The following NIPBL variants were observed in gnomAD, a reference collection of about 807,000 sequenced individuals.
NIPBL encodes NIPBL cohesin loading factor.
Under a neutral mutation model 321.8 loss-of-function variants are expected in NIPBL, and 19 were observed. The observed-to-expected ratio is 0.06, with a 90% CI of 0.04 to 0.09. NIPBL has a LOEUF of 0.09. NIPBL is among the 10% of genes least tolerant of loss of function. The pLI is 1.00. For synonymous variants in NIPBL, 1,106 were observed against 1,114.1 expected, an observed-to-expected ratio of 0.99 and a Z score of 0.14; for missense variants, 2,210 against 3,327.0, an observed-to-expected ratio of 0.66 and a Z score of 8.26.
chr5:36,922,995 AG>A (rs1171769970), intron 1 of NIPBL, among the ~76,000 whole-genome samples: 1 of 152,100 alleles, frequency 6.6e-6, no homozygotes, highest in African/African-American at 2.4e-5. Context: ...AACCAATTAA[AG>A]CTGGCTTCTA....
chr5:37,055,956 T>G (rs890127351), intron 42 of NIPBL, among the ~76,000 whole-genome samples: 2 of 152,066 alleles, frequency 1.3e-5, no homozygotes, highest in Non-Finnish European at 2.9e-5. Flanking sequence ...GAGTTCAAGG[T>G]GGCAGTGAGT....
intron 10 of NIPBL, among the ~76,000 whole-genome samples, chr5:36,989,641 C>G (rs1264278836): frequency 6.6e-6 from 1 of 151,764 alleles, no homozygotes; most frequent in Non-Finnish European, 1.5e-5. Context: ...AGTTAGAGAC[C>G]AGCCTGGCCA....
At chr5:36,947,314 T>A (rs559725708) in intron 1 of NIPBL, among the ~76,000 whole-genome samples, 2 of 152,196 alleles carry the variant, frequency 1.3e-5, no homozygotes, top group Admixed American at 6.6e-5. Flanking sequence ...ACTGGCATTT[T>A]AATCTGAACA....
intron 10 of NIPBL, among the ~76,000 whole-genome samples, chr5:36,994,855 C>T (rs1745953487): frequency 1.4e-5 from 2 of 142,370 alleles, no homozygotes; most frequent in South Asian, 4.5e-4. Context: ...CTCTTATTGT[C>T]TTGTCTTCTT....
rs773386352 is a variant in NIPBL at position 37,024,735 on chromosome 5, T to C, written c.5709+16T>C. On this transcript the variant is annotated intron_variant, in intron 30 of 46. Transcript: ENST00000282516. Reference sequence around the variant, plus strand: ...GGGCATTAAGGTAGTGTTGACTGTTTTAAATTTATTTTTCATTAATGTTTA... The same window carrying C: ...GGGCATTAAGGTAGTGTTGACTGTTCTAAATTTATTTTTCATTAATGTTTA... 1 of 1,596,074 alleles carries C rather than the reference T, an allele frequency of 6.3e-7. No homozygotes were observed.
At chr5:36,903,112 GT>G (rs1246203260) in intron 1 of NIPBL, among the ~76,000 whole-genome samples, 3 of 152,084 alleles carry the variant, frequency 2.0e-5, no homozygotes, top group Admixed American at 2.0e-4. Context: ...TTTGCACTTC[GT>G]TTTGTATCCT....
In NIPBL at chr5:37,038,788, CTTTAAA is replaced by C. The variant is rs746477501; in HGVS notation, c.6108+55_6108+60del. On this transcript the variant is annotated intron_variant, in intron 34 of 46. Coordinates refer to ENST00000282516, the MANE Select transcript of NIPBL (RefSeq NM_133433.4). ...TGTATCTTACATAAAACATTAAGTG[CTTTAAA>C]TTTAGAGTTCACATGCGTCAACCAC... The C allele has an allele frequency of 3.1e-6, 5 of 1,587,834 alleles. No individual in the cohort carries two copies. The South Asian group carries it at 5.6e-5, about 18-fold the overall frequency.
At chr5:36,891,909 AAG>A (rs1230950567) in intron 1 of NIPBL, among the ~76,000 whole-genome samples, 4 of 152,254 alleles carry the variant, frequency 2.6e-5, no homozygotes, top group African/African-American at 9.6e-5. Flanking sequence ...TAGATTGGGT[AAG>A]AGAGAATGAA....
chr5:36,917,241 A>T (rs1172151846), intron 1 of NIPBL, among the ~76,000 whole-genome samples: 1 of 152,330 alleles, frequency 6.6e-6, no homozygotes, highest in African/African-American at 2.4e-5. Context: ...TCTGATGACC[A>T]GTGATGATGA....
chr5:36,897,578 T>C (rs140984182), intron 1 of NIPBL, among the ~76,000 whole-genome samples: 47 of 152,250 alleles, frequency 3.1e-4, no homozygotes, highest in African/African-American at 1.1e-3. Context: ...TACGCACATA[T>C]GAAAAGTAAG....
intron 8 of NIPBL, 110 bp from the exon 9 acceptor site, chr5:36,975,666 T>C: frequency 1.9e-6 from 2 of 1,061,624 alleles, no homozygotes; most frequent in East Asian, 2.6e-5. Flanking sequence ...ATTATATAAT[T>C]TCTTATTTTT....
chr5:37,035,938 G>GATTTTGC (rs1216698919), intron 32 of NIPBL, among the ~76,000 whole-genome samples: 2 of 152,106 alleles, frequency 1.3e-5, no homozygotes, highest in African/African-American at 4.8e-5. Context: ...GGATAATGCA[G>GATTTTGC]AAAAGAAATC....
intron 32 of NIPBL, among the ~76,000 whole-genome samples, chr5:37,034,511 G>A (rs1375057518): frequency 1.3e-5 from 2 of 152,128 alleles, no homozygotes; most frequent in Non-Finnish European, 2.9e-5. Flanking sequence ...TTAAGGTATA[G>A]GCACACAGTG....
At chr5:37,017,448 A>C (rs1170791007) in intron 24 of NIPBL, among the ~76,000 whole-genome samples, 1 of 152,072 alleles carries the variant, frequency 6.6e-6, no homozygotes, top group Admixed American at 6.6e-5. Flanking sequence ...AATTTTATTT[A>C]AGTTTTTAAT....
chr5:36,917,239 C>G (rs1748534581), intron 1 of NIPBL, among the ~76,000 whole-genome samples: 1 of 152,144 alleles, frequency 6.6e-6, no homozygotes, highest in African/African-American at 2.4e-5. Context: ...TCTCTGATGA[C>G]CAGTGATGAT....
At chr5:36,948,814 CATA>C (rs1739966433) in intron 1 of NIPBL, among the ~76,000 whole-genome samples, 3 of 151,810 alleles carry the variant, frequency 2.0e-5, no homozygotes, top group Non-Finnish European at 3.0e-5. Context: ...ATGTGAATCA[CATA>C]CTAAATGTGG....
chr5:36,952,589 G>T (rs1158890806), intron 1 of NIPBL, among the ~76,000 whole-genome samples: 1 of 152,054 alleles, frequency 6.6e-6, no homozygotes, highest in East Asian at 1.9e-4. Context: ...TTGGGGGCTT[G>T]GAACAGAATA....
intron 1 of NIPBL, among the ~76,000 whole-genome samples, chr5:36,914,440 G>A (rs1462914863): frequency 6.7e-6 from 1 of 148,268 alleles, no homozygotes; most frequent in Non-Finnish European, 1.5e-5. Context: ...AAAACTTTTT[G>A]AGTGCCTACG....
intron 34 of NIPBL, among the ~76,000 whole-genome samples, chr5:37,043,221 C>T (rs1438855886): frequency 6.6e-6 from 1 of 151,978 alleles, no homozygotes; most frequent in Admixed American, 6.6e-5. Context: ...CATAGTGAGA[C>T]CCTGTCTCTA....
Sources: gnomAD v4.1 joint callset for allele counts (sites outside exome capture counted in the v4.1 genomes callset) on GRCh38, gnomAD v4.1.1 for gene constraint, MANE v1.5 for transcripts, NCBI Gene and HGNC (gene_info 2026-07-23, HGNC 2026-07-21) for gene names.